Variants in PFN4 observed in about 807,000 individuals in gnomAD.
PFN4 encodes the protein profilin-4.
A neutral mutation model predicts 16.3 loss-of-function variants in PFN4; 10 were observed. The ratio of observed to expected loss-of-function variants is 0.61; its 90% CI spans 0.38 to 1.04. The LOEUF (loss-of-function observed/expected upper bound fraction) is 1.04. Among genes scored for constraint, PFN4 ranks in the 50% least tolerant of loss-of-function variants. PFN4 has a pLI of 0.01. For missense variants in PFN4, 136 were observed against 153.6 expected, an observed-to-expected ratio of 0.89 and a Z score of 0.61; for synonymous variants, 54 against 56.9, an observed-to-expected ratio of 0.95 and a Z score of 0.23.
At chr2:24,120,277 AAAC>A (rs1553329186) in intron 3 of PFN4, among the ~76,000 whole-genome samples, 7 of 151,496 alleles carry the variant, frequency 4.6e-5, no homozygotes, top group African/African-American at 1.7e-4. Flanking sequence ...TCAAAAAAAA[AAAC>A]AACAACAAAA....
At chr2:24,119,783 G>C (rs1383123884) in intron 3 of PFN4, 101 bp from the exon 4 acceptor site, 8 of 790,792 alleles carry the variant, frequency 1.0e-5, no homozygotes, top group Non-Finnish European at 1.6e-5. Flanking sequence ...ATTTCCATAT[G>C]TTTGGAATAT....
Position 24,122,348 on chromosome 2 carries a change from C to G in PFN4, c.117+71G>C. 5 of 1,116,500 alleles carry G rather than the reference C, an allele frequency of 4.5e-6. 1 individual carries two copies. Among genetic ancestry groups the G allele is most frequent in the South Asian group, 2.7e-5 (2 of 74,910 alleles). The allele number at this position is 1,116,500 out of a possible 1,614,324, so 69.2% of individuals were successfully genotyped here. On this transcript the variant is annotated intron_variant, in intron 2 of 4. Coordinates refer to ENST00000313213, the MANE Select transcript of PFN4 (RefSeq NM_199346.3). ...TCTCAAAAAAAAAAAAAAGTCATGT[C>G]TGCTTCATTTTTTGGAAGAATAGAA...
At position 24,122,416 on chromosome 2, in the gene PFN4, T is replaced by G; in HGVS notation, c.117+3A>C. ...TCTTAGGTCCAAACTTGTTTTTTCT[T>G]ACATTGAAACCTGGTGATGCTACAC... is the stretch of plus-strand genomic sequence containing the variant. On this transcript the variant is annotated splice_donor_region_variant and intron_variant, in intron 2 of 4. Coordinates refer to ENST00000313213, the MANE Select transcript of PFN4 (RefSeq NM_199346.3). 1 of 1,604,174 alleles carries G rather than the reference T, an allele frequency of 6.2e-7. No individual in the cohort carries two copies.
chr2:24,115,293 G>A lies in PFN4; in HGVS notation c.*290C>T. 2.6e-6 allele frequency: 1 copy of A among 387,072 alleles called. No individual in the cohort carries two copies. Among genetic ancestry groups the A allele is most frequent in the Non-Finnish European group, 4.8e-6 (1 of 208,650 alleles). 24.0% of individuals were successfully genotyped at this position (387,072 alleles called of 1,614,324 possible). Reference sequence around the variant, plus strand: ...ATTCTTGGCATACTTAGCAAGGTGTGTAGGAGTACAAGAGCCTCACAGAAA... The same window carrying A: ...ATTCTTGGCATACTTAGCAAGGTGTATAGGAGTACAAGAGCCTCACAGAAA... On this transcript the variant is annotated 3_prime_UTR_variant, in exon 5 of 5. Transcript: ENST00000313213.
intron 2 of PFN4, 52 bp from the exon 3 acceptor site, chr2:24,121,352 C>T (rs780192072): frequency 6.4e-7 from 1 of 1,561,702 alleles, no homozygotes; most frequent in Non-Finnish European, 8.7e-7. Context: ...GGCTGGTGGC[C>T]AGCCAAATTT....
At chr2:24,118,672 A>G (rs1420140152) in intron 4 of PFN4, among the ~76,000 whole-genome samples, 1 of 152,232 alleles carries the variant, frequency 6.6e-6, no homozygotes, top group East Asian at 1.9e-4. Flanking sequence ...TTTGCAGAAT[A>G]GATGTGAGGG....
At chr2:24,119,536 T>C in intron 4 of PFN4, 41 bp downstream of exon 4, 4 of 1,462,220 alleles carry the variant, frequency 2.7e-6, no homozygotes, top group Non-Finnish European at 3.8e-6. Context: ...AAGACCCAAC[T>C]AACATAGGGA....
intron 4 of PFN4, among the ~76,000 whole-genome samples, chr2:24,116,125 G>A (rs560010363): frequency 1.7e-4 from 26 of 152,040 alleles, no homozygotes; most frequent in African/African-American, 3.4e-4. Context: ...TCAGGAGATC[G>A]AGACCATCCT....
At chr2:24,116,876 CAA>C (rs764310244) in intron 4 of PFN4, among the ~76,000 whole-genome samples, 4 of 113,558 alleles carry the variant, frequency 3.5e-5, no homozygotes, top group African/African-American at 3.3e-5. Context: ...AACTGTGTCT[CAA>C]AAAAAAAAAA....
At chr2:24,120,872 CTT>C (rs35518003) in intron 3 of PFN4, among the ~76,000 whole-genome samples, 129 of 141,624 alleles carry the variant, frequency 9.1e-4, no homozygotes, top group Non-Finnish European at 8.3e-4. Context: ...ATGATTATCT[CTT>C]TTTTTTTTTT....
At chr2:24,119,179 C>T (rs181353292) in intron 4 of PFN4, among the ~76,000 whole-genome samples, 3 of 152,100 alleles carry the variant, frequency 2.0e-5, no homozygotes, top group Admixed American at 1.3e-4. Flanking sequence ...CTGTCTCCCC[C>T]CTCCCCTATC....
At chr2:24,117,749 T>C (rs1453076182) in intron 4 of PFN4, among the ~76,000 whole-genome samples, 2 of 152,206 alleles carry the variant, frequency 1.3e-5, no homozygotes, top group Admixed American at 1.3e-4. Flanking sequence ...GGCCTGTAAT[T>C]CTTTACTTCC....
rs1665866066 is a variant in PFN4 at position 24,114,912 on chromosome 2, T to G, written c.*671A>C. Among the ~76,000 whole-genome samples, 3 of 152,176 alleles carry G rather than the reference T, an allele frequency of 2.0e-5. No homozygotes were observed. In the South Asian group the frequency reaches 6.2e-4, roughly 32 times the overall value. ...AGAGTTAGGGTTAGAGTCAGAAATC[T>G]TTTTGAGTTGATTTTTGAGAAGGCC... On this transcript the variant is annotated 3_prime_UTR_variant, in exon 5 of 5. Transcript: ENST00000313213.
chr2:24,119,532 C>A, intron 4 of PFN4, 45 bp downstream of exon 4: 1 of 1,430,714 alleles, frequency 7.0e-7, no homozygotes, highest in Non-Finnish European at 9.8e-7. Context: ...TCGGAAGACC[C>A]AACTAACATA....
intron 2 of PFN4, 112 bp downstream of exon 2, chr2:24,122,307 C>T (rs1666142413): frequency 1.3e-6 from 1 of 779,242 alleles, no homozygotes; most frequent in Non-Finnish European, 2.1e-6. Context: ...GGCTAAGCAA[C>T]AAGAGTGAAA....
In PFN4 at chr2:24,114,904, C is replaced by G. The variant is rs977734689; in HGVS notation, c.*679G>C. On this transcript the variant is annotated 3_prime_UTR_variant, in exon 5 of 5. Coordinates refer to ENST00000313213, the MANE Select transcript of PFN4 (RefSeq NM_199346.3). ...GTGCAGTGAGAGTTAGGGTTAGAGT[C>G]AGAAATCTTTTTGAGTTGATTTTTG... 6.6e-6 allele frequency among the ~76,000 whole-genome samples: 1 copy of G among 152,114 alleles called. No homozygotes were observed. Among genetic ancestry groups the G allele is most frequent in the Admixed American group, 6.5e-5 (1 of 15,280 alleles).
intron 2 of PFN4, among the ~76,000 whole-genome samples, chr2:24,121,976 A>G (rs931668194): frequency 2.6e-5 from 4 of 152,204 alleles, no homozygotes; most frequent in African/African-American, 9.7e-5. Flanking sequence ...ATCAACAGTA[A>G]AAAGACTAAG....
intron 4 of PFN4, among the ~76,000 whole-genome samples, chr2:24,118,989 C>T (rs1356168842): frequency 3.9e-5 from 6 of 152,018 alleles, no homozygotes; most frequent in Admixed American, 6.6e-5. Flanking sequence ...CAACTCTCAC[C>T]GATATAATAC....
At chr2:24,121,453 T>C (rs1376758203) in intron 2 of PFN4, among the ~76,000 whole-genome samples, 153 bp from the exon 3 acceptor site, 2 of 152,222 alleles carry the variant, frequency 1.3e-5, no homozygotes, top group African/African-American at 4.8e-5. Flanking sequence ...GAATAACACT[T>C]CGTGACACTT....
Sources: allele counts gnomAD v4.1 joint callset (sites outside exome capture counted in the v4.1 genomes callset), GRCh38; gene constraint gnomAD v4.1.1; transcripts MANE v1.5; gene names NCBI Gene and HGNC (gene_info 2026-07-23, HGNC 2026-07-21).